RSPO3: variants seen among roughly 807,000 people sequenced by gnomAD.
RSPO3 encodes the protein R-spondin-3.
Under a neutral mutation model 36.5 loss-of-function variants are expected in RSPO3, and 17 were observed. The observed-to-expected ratio is 0.47, with a 90% CI of 0.32 to 0.70. The LOEUF is 0.70. Ranked by LOEUF, RSPO3 falls within the 30% of genes least tolerant of loss-of-function variation. The pLI is 0.04. For missense variants in RSPO3, 294 were observed against 322.5 expected (o/e 0.91, Z 0.68); for synonymous variants, 108 against 107.0 (o/e 1.01, Z -0.06).
At chr6:127,189,846 T>C (rs1175153394) in intron 4 of RSPO3, among the ~76,000 whole-genome samples, 1 of 152,210 alleles carries the variant, frequency 6.6e-6, no homozygotes, top group Non-Finnish European at 1.5e-5. Flanking sequence ...CAGGTAGCTT[T>C]AAATTTCAGT....
In RSPO3 at chr6:127,198,011, T is replaced by C. The variant is rs189579092; in HGVS notation, c.*2004T>C. On this transcript the variant is annotated 3_prime_UTR_variant, in exon 5 of 5. Transcript: ENST00000356698. ...TGAGTGTTACCCAGTCAAGTATAAG[T>C]AGCCAAATTATTTTTGCACATCTTT... 2.0e-5 allele frequency among the ~76,000 whole-genome samples: 3 copies of C among 152,358 alleles called. No individual in the cohort carries two copies. Among genetic ancestry groups the C allele is most frequent in the South Asian group, 2.1e-4 (1 of 4,828 alleles).
chr6:127,190,943 T>G (rs1683970980), intron 4 of RSPO3, among the ~76,000 whole-genome samples: 1 of 152,226 alleles, frequency 6.6e-6, no homozygotes, highest in African/African-American at 2.4e-5. Flanking sequence ...AACCTCATTA[T>G]GTTTAAAGGA....
At chr6:127,133,117 T>A (rs1238802710) in intron 1 of RSPO3, among the ~76,000 whole-genome samples, 1 of 152,082 alleles carries the variant, frequency 6.6e-6, no homozygotes, top group Non-Finnish European at 1.5e-5. Context: ...TGAAAAACCA[T>A]TTTAGAAAAA....
intron 4 of RSPO3, among the ~76,000 whole-genome samples, chr6:127,181,036 CT>C (rs1775174493): frequency 1.3e-5 from 2 of 151,772 alleles, no homozygotes; most frequent in African/African-American, 2.4e-5. Flanking sequence ...TAATGTCCCA[CT>C]TTTTTTAAGC....
intron 4 of RSPO3, among the ~76,000 whole-genome samples, chr6:127,195,449 G>A (rs934619461): frequency 9.2e-5 from 14 of 152,260 alleles, no homozygotes; most frequent in South Asian, 4.1e-4. Flanking sequence ...GATTACAGGC[G>A]TAAGCCACCA....
chr6:127,139,778 C>G (rs534468321), intron 1 of RSPO3, among the ~76,000 whole-genome samples: 3 of 152,132 alleles, frequency 2.0e-5, no homozygotes, highest in African/African-American at 4.8e-5. Flanking sequence ...TCATCCACCC[C>G]CTCTTGTCCT....
intron 1 of RSPO3, among the ~76,000 whole-genome samples, chr6:127,130,276 A>G (rs1427734813): frequency 6.6e-6 from 1 of 152,184 alleles, no homozygotes; most frequent in Non-Finnish European, 1.5e-5. Flanking sequence ...CACTTTATGT[A>G]ACGGATCTTT....
chr6:127,188,890 G>T (rs75026178), intron 4 of RSPO3, among the ~76,000 whole-genome samples: 9,947 of 152,096 alleles, frequency 0.065, 668 homozygotes, highest in African/African-American at 0.18. Flanking sequence ...TGCCTCAGTA[G>T]CTGAAGTGAC....
intron 4 of RSPO3, among the ~76,000 whole-genome samples, chr6:127,180,378 G>T (rs140293110): frequency 6.6e-6 from 1 of 150,758 alleles, no homozygotes; most frequent in East Asian, 2.0e-4. Context: ...GGGAGTACAG[G>T]CACTGGGCAG....
intron 1 of RSPO3, among the ~76,000 whole-genome samples, chr6:127,144,643 G>GTTTTTTGTTTTTTTTTTTTTTTT (rs1774344031): frequency 1.0e-5 from 1 of 99,130 alleles, no homozygotes; most frequent in African/African-American, 4.2e-5. Context: ...GCTTCCCCTT[G>GTTTTTTGTTTTTTTTTTTTTTTT]TTTTTTTTTT....
chr6:127,180,502 A>C (rs1775161688), intron 4 of RSPO3, among the ~76,000 whole-genome samples: 1 of 149,512 alleles, frequency 6.7e-6, no homozygotes, highest in Non-Finnish European at 1.5e-5. Flanking sequence ...AAAAAAAAAA[A>C]AAAAAAAAAA....
chr6:127,188,599 TATATATATC>T (rs1001380968), intron 4 of RSPO3, among the ~76,000 whole-genome samples: 2 of 151,728 alleles, frequency 1.3e-5, no homozygotes, highest in African/African-American at 4.8e-5. Context: ...CATATATATA[TATATATATC>T]ATACCTCTAT....
At chr6:127,154,595 C>T (rs953876750) in intron 3 of RSPO3, among the ~76,000 whole-genome samples, 3 of 152,120 alleles carry the variant, frequency 2.0e-5, no homozygotes, top group Admixed American at 6.6e-5. Context: ...AAGCGTACAA[C>T]AGCACATGTC....
chr6:127,158,517 C>T (rs558469063), intron 4 of RSPO3, among the ~76,000 whole-genome samples: 1 of 152,164 alleles, frequency 6.6e-6, no homozygotes, highest in South Asian at 2.1e-4. Flanking sequence ...TTGAAATTGC[C>T]AAAGGCAAGA....
chr6:127,125,244 C>T (rs562992772), intron 1 of RSPO3, among the ~76,000 whole-genome samples: 14 of 152,128 alleles, frequency 9.2e-5, no homozygotes, highest in Non-Finnish European at 1.9e-4. Flanking sequence ...ATCTAATCTA[C>T]TCTTCAAAAC....
chr6:127,144,049 GA>G (rs965308568), intron 1 of RSPO3, among the ~76,000 whole-genome samples: 3 of 152,146 alleles, frequency 2.0e-5, no homozygotes, highest in Non-Finnish European at 4.4e-5. Context: ...AACAGATAGT[GA>G]AATTGAAGTT....
intron 1 of RSPO3, among the ~76,000 whole-genome samples, 197 bp downstream of exon 1, chr6:127,119,486 T>A (rs1235779685): frequency 6.6e-6 from 1 of 152,146 alleles, no homozygotes; most frequent in Non-Finnish European, 1.5e-5. Context: ...TTCCGCAGCA[T>A]CCTAGCCGGT....
intron 4 of RSPO3, among the ~76,000 whole-genome samples, chr6:127,158,278 T>C (rs1239677710): frequency 1.3e-5 from 2 of 152,030 alleles, no homozygotes; most frequent in Non-Finnish European, 2.9e-5. Context: ...ACACTTAGGA[T>C]AGCTATTATT....
At position 127,196,992 on chromosome 6, in the gene RSPO3, T is replaced by C. The variant is rs1414578913; in HGVS notation, c.*985T>C. 1 of 157,868 alleles carries C rather than the reference T, an allele frequency of 6.3e-6. No homozygotes were observed. The highest frequency in any genetic ancestry group is 1.4e-5 in the Non-Finnish European group (1 of 71,088). 9.8% of individuals were successfully genotyped at this position (157,868 alleles called of 1,614,324 possible). A position where few individuals can be genotyped will look rare whatever the true frequency, so the allele number is the denominator to read the frequency against. ...CTATTTTCTAACAAGGTATATCTAG[T>C]AGGGGAGAAAGCCACCACAATAAAT... is the stretch of plus-strand genomic sequence containing the variant. On this transcript the variant is annotated 3_prime_UTR_variant, in exon 5 of 5. Transcript: ENST00000356698.
Sources: gnomAD v4.1 joint callset for allele counts (sites outside exome capture counted in the v4.1 genomes callset) on GRCh38, gnomAD v4.1.1 for gene constraint, MANE v1.5 for transcripts, NCBI Gene and HGNC (gene_info 2026-07-23, HGNC 2026-07-21) for gene names.